The following DNAJB13 variants were observed in gnomAD, a reference collection of about 807,000 sequenced individuals.
DNAJB13 encodes dnaJ homolog subfamily B member 13.
A neutral mutation model predicts 35.6 loss-of-function variants in DNAJB13; 22 were observed. The ratio of observed to expected loss-of-function variants is 0.62; its 90% confidence interval spans 0.44 to 0.88. The LOEUF is 0.88. DNAJB13 is among the 40% of genes least tolerant of loss of function. The pLI is 0.00. For synonymous variants in DNAJB13, 136 were observed against 144.2 expected (o/e 0.94, Z 0.41); for missense variants, 370 against 384.3 (o/e 0.96, Z 0.31).
In DNAJB13 at chr11:73,968,442, C is replaced by G; in HGVS notation, c.704C>G (p.Pro235Arg). 6.2e-7 allele frequency: 1 copy of G among 1,613,938 alleles called. No homozygotes were observed. Among genetic ancestry groups the G allele is most frequent in the Non-Finnish European group, 8.5e-7 (1 of 1,179,888 alleles). ...RENDNLFFVN[P>R]IPLGKALTCC... ...AATGACAACCTCTTCTTCGTGAACC[C>G]CATCCCTCTTGGCAAGGTGAGTGGG... The change falls in exon 6 of 8, where the codon CCC becomes CGC. Residue 235 changes from proline to arginine, a missense_variant. Physicochemically the swap from Pro to Arg is moderately radical, Grantham distance 103. Transcript: ENST00000339764.
intron 3 of DNAJB13, among the ~76,000 whole-genome samples, chr11:73,962,673 C>G (rs1227374584): frequency 6.6e-6 from 1 of 152,216 alleles, no homozygotes; most frequent in East Asian, 1.9e-4. Context: ...TCCTACACCT[C>G]TTGCCCCTTC....
chr11:73,961,731 G>A (rs1431077732), intron 3 of DNAJB13, among the ~76,000 whole-genome samples: 1 of 152,208 alleles, frequency 6.6e-6, no homozygotes, highest in Admixed American at 6.5e-5. Flanking sequence ...TTCTCTAGCA[G>A]GGAAGGTATG....
chr11:73,965,145 T>C (rs1951072870), intron 4 of DNAJB13, 110 bp downstream of exon 4: 1 of 1,240,408 alleles, frequency 8.1e-7, no homozygotes, highest in African/African-American at 1.5e-5. Context: ...GATGGAATTA[T>C]GGAACCTTAG....
chr11:73,966,007 A>G, intron 4 of DNAJB13, 131 bp from the exon 5 acceptor site: 1 of 843,872 alleles, frequency 1.2e-6, no homozygotes, highest in Non-Finnish European at 1.9e-6. Context: ...GATTGAGCCC[A>G]AGTACAAATC....
rs750366252 is a variant in DNAJB13 at position 73,959,616 on chromosome 11, G to C, written c.295G>C (p.Val99Leu). Residue 99 changes from valine to leucine, a missense_variant, in exon 3 of 8, where the codon GTG becomes CTG. Val to Leu is a conservative substitution (Grantham distance 32). Coordinates refer to ENST00000339764, the MANE Select transcript of DNAJB13 (RefSeq NM_153614.4). ...CGTCTTCCATGGCAAACCTGAAAAG[G>C]TGTTCCACGAGTTCTTTGGTGGAAA... ...GYVFHGKPEK[V>L]FHEFFGGNNP... The C allele has an allele frequency of 6.2e-7, 1 of 1,614,212 alleles. No homozygotes were observed. Among genetic ancestry groups the C allele is most frequent in the Admixed American group, 1.7e-5 (1 of 60,024 alleles).
At position 73,959,748 on chromosome 11, in the gene DNAJB13, T is replaced by G; in HGVS notation, c.334+93T>G. 3 of 1,213,174 alleles carry G rather than the reference T, an allele frequency of 2.5e-6. No individual in the cohort carries two copies. The East Asian group carries it at 8.8e-5, about 36-fold the overall frequency. 75.2% of individuals were successfully genotyped at this position (1,213,174 alleles called of 1,614,324 possible). On this transcript the variant is annotated intron_variant, in intron 3 of 7. Transcript: ENST00000339764. ...GAGTAGTTTTGTTTTTATTTTTACT[T>G]TATTATTTTATTTTATTTACTTATT...
intron 4 of DNAJB13, 123 bp from the exon 5 acceptor site, chr11:73,966,015 A>G: frequency 1.1e-6 from 1 of 901,802 alleles, no homozygotes; most frequent in Non-Finnish European, 1.7e-6. Context: ...CCAAGTACAA[A>G]TCCCATAGAG....
At chr11:73,964,838 T>C in intron 3 of DNAJB13, 40 bp from the exon 4 acceptor site, 1 of 1,602,774 alleles carries the variant, frequency 6.2e-7, no homozygotes, top group Non-Finnish European at 8.5e-7. Flanking sequence ...TCTGGGTCTC[T>C]GGATACAATT....
Position 73,969,992 on chromosome 11 carries a change from G to A in DNAJB13, c.829G>A (p.Gly277Arg), listed in dbSNP as rs1399945551. 2 of 1,611,404 alleles carry A rather than the reference G, an allele frequency of 1.2e-6. No homozygotes were observed. The highest frequency in any genetic ancestry group is 1.7e-5 in the Admixed American group (1 of 59,662). ...PKYFKKVPGE[G>R]MPLPEDPTKK... Reference sequence around the variant, plus strand: ...ATACTTCAAGAAGGTGCCAGGGGAGGGGATGCCATTGCCGGAGGACCCCAC... The same window carrying A: ...ATACTTCAAGAAGGTGCCAGGGGAGAGGATGCCATTGCCGGAGGACCCCAC... Residue 277 changes from glycine (G) to arginine (R), a missense_variant, in exon 8 of 8, where the codon GGG (glycine) becomes AGG (arginine). Coordinates refer to ENST00000339764, the MANE Select transcript of DNAJB13 (RefSeq NM_153614.4).
At chr11:73,951,809 G>A (rs1422883540) in intron 1 of DNAJB13, among the ~76,000 whole-genome samples, 6 of 152,100 alleles carry the variant, frequency 3.9e-5, no homozygotes, top group Admixed American at 3.9e-4. Flanking sequence ...ACCATGCCCA[G>A]CTAATTTTGT....
intron 1 of DNAJB13, among the ~76,000 whole-genome samples, chr11:73,957,771 C>T (rs544941298): frequency 6.6e-6 from 1 of 152,308 alleles, no homozygotes; most frequent in East Asian, 1.9e-4. Flanking sequence ...GCTCATCCTC[C>T]CAAGATGCCT....
chr11:73,969,372 G>C (rs771405777), intron 7 of DNAJB13, 50 bp downstream of exon 7: 1 of 859,948 alleles, frequency 1.2e-6, no homozygotes, highest in Admixed American at 1.7e-5. Flanking sequence ...GGCTAGCCTG[G>C]GATTTAGGTG....
At position 73,970,233 on chromosome 11, in the gene DNAJB13, T is replaced by A; in HGVS notation, c.*119T>A. ...GCACAGATATGATACAAGGGTGGGATGGCGCAGGGCTTAAACTGACATAAT... is the reference window on the plus strand; with the variant it reads ...GCACAGATATGATACAAGGGTGGGAAGGCGCAGGGCTTAAACTGACATAAT... On this transcript the variant is annotated 3_prime_UTR_variant, in exon 8 of 8. Coordinates refer to ENST00000339764, the MANE Select transcript of DNAJB13 (RefSeq NM_153614.4). 1 of 1,323,092 alleles carries A rather than the reference T, an allele frequency of 7.6e-7. No individual in the cohort carries two copies. Among genetic ancestry groups the A allele is most frequent in the Admixed American group, 2.6e-5 (1 of 38,082 alleles). The allele number at this position is 1,323,092 out of a possible 1,614,324, so 82.0% of individuals were successfully genotyped here. A position where few individuals can be genotyped will look rare whatever the true frequency, so the allele number is the denominator to read the frequency against.
At chr11:73,964,772 T>A (rs1951034969) in intron 3 of DNAJB13, 106 bp from the exon 4 acceptor site, 2 of 318,116 alleles carry the variant, frequency 6.3e-6, no homozygotes, top group Non-Finnish European at 5.9e-6. Flanking sequence ...AGGCTGTGTG[T>A]GTGTGTGTGT....
intron 1 of DNAJB13, among the ~76,000 whole-genome samples, chr11:73,953,004 C>T (rs963661641): frequency 1.3e-5 from 2 of 152,130 alleles, no homozygotes; most frequent in Non-Finnish European, 2.9e-5. Context: ...CAGGAGGATC[C>T]CTTGGGCCCA....
At chr11:73,961,597 G>A (rs773222162) in intron 3 of DNAJB13, among the ~76,000 whole-genome samples, 63 of 152,188 alleles carry the variant, frequency 4.1e-4, no homozygotes, top group Non-Finnish European at 7.8e-4. Flanking sequence ...ACAGAGCCAC[G>A]GAGAGATGCC....
rs542676929 is a variant in DNAJB13, at chr11:73,957,721, A to G, written c.69-596A>G. 1.6e-4 allele frequency among the ~76,000 whole-genome samples: 25 copies of G among 152,304 alleles called. No homozygotes were observed. The South Asian group carries it at 5.2e-3, about 32-fold the overall frequency. The stretch of plus-strand genomic sequence containing the variant: ...GGGGCGGCACAGGAACCGGACGGGC[A>G]CTGAGCGCCTCAGCCATGCCCGCTG... On this transcript the variant is annotated intron_variant, in intron 1 of 7. Transcript: ENST00000339764.
At chr11:73,964,494 G>C in intron 3 of DNAJB13, 1 of 263,876 alleles carries the variant, frequency 3.8e-6, no homozygotes, top group South Asian at 3.7e-5. Context: ...GCACTCCTGA[G>C]CGCGGCCACC....
At chr11:73,956,803 CAAAAAA>C (rs1163341948) in intron 1 of DNAJB13, among the ~76,000 whole-genome samples, 2 of 75,888 alleles carry the variant, frequency 2.6e-5, no homozygotes, top group Non-Finnish European at 2.8e-5. Flanking sequence ...AACTCCATCT[CAAAAAA>C]AAAAAAAAAA....
Sources: gnomAD v4.1 joint callset for allele counts (sites outside exome capture counted in the v4.1 genomes callset) on GRCh38, gnomAD v4.1.1 for gene constraint, MANE v1.5 for transcripts, NCBI Gene and HGNC (gene_info 2026-07-23, HGNC 2026-07-21) for gene names.